Variants in GYG1 observed in about 807,000 individuals in gnomAD.
GYG1 encodes glycogenin 1.
In GYG1, 44 loss-of-function variants were observed where a neutral mutation model predicts 41.9. That is an observed-to-expected ratio of 1.05 (90% CI 0.83 to 1.35). The LOEUF (loss-of-function observed/expected upper bound fraction) is 1.35, where lower values mean the gene tolerates loss of function less well. Ranked by LOEUF, GYG1 falls within the 40% of genes most tolerant of loss-of-function variation. The probability of loss-of-function intolerance (pLI) is 0.00; values close to 1 mark genes in which losing one functional copy is unlikely to be tolerated. For missense variants in GYG1, 429 were observed against 418.9 expected, an observed-to-expected ratio of 1.02 and a Z score of -0.21; for synonymous variants, 141 against 158.1, an observed-to-expected ratio of 0.89 and a Z score of 0.81.
rs146398022 is a variant in GYG1, at chr3:149,025,155, G to C, written c.828+883G>C. ...TGGATCATGACATAATATTTGTACA[G>C]CAGTGGTCCCCAACCTTTTTGGCAC... On this transcript the variant is annotated intron_variant, in intron 6 of 7. Transcript: ENST00000345003. Among the ~76,000 whole-genome samples the C allele has an allele frequency of 2.2e-3, 338 of 152,300 alleles. 1 individual carries two copies. The highest frequency in any genetic ancestry group is 7.9e-3 in the African/African-American group (328 of 41,556).
intron 4 of GYG1, among the ~76,000 whole-genome samples, chr3:148,998,199 T>G (rs1370789840): frequency 6.6e-6 from 1 of 152,208 alleles, no homozygotes; most frequent in African/African-American, 2.4e-5. Context: ...GGCTGAGGAT[T>G]TGGGAATTGT....
chr3:149,017,526 CCTT>C (rs1714115573), intron 5 of GYG1, among the ~76,000 whole-genome samples: 1 of 150,208 alleles, frequency 6.7e-6, no homozygotes, highest in Non-Finnish European at 1.5e-5. Flanking sequence ...CAACATTTCC[CCTT>C]CTTATTCATT....
intron 2 of GYG1, among the ~76,000 whole-genome samples, chr3:148,994,980 A>G (rs922574300): frequency 6.6e-6 from 1 of 152,232 alleles, no homozygotes; most frequent in Non-Finnish European, 1.5e-5. Flanking sequence ...CAAGAGTTCC[A>G]GACCAGCCTG....
At position 148,996,861 on chromosome 3, in the gene GYG1, C is replaced by A. The variant is rs528341533; in HGVS notation, c.438C>A (p.Tyr146Ter). The A allele has an allele frequency of 3.1e-6, 5 of 1,613,656 alleles. No homozygotes were observed. The South Asian group carries it at 3.3e-5, about 11-fold the overall frequency. Residue 146 changes from tyrosine (Y) to a stop codon, truncating the protein, a stop_gained, in exon 4 of 8, where the codon TAC (tyrosine) becomes TAA (stop). Coordinates refer to ENST00000345003, the MANE Select transcript of GYG1 (RefSeq NM_004130.4). LOFTEE classifies it high-confidence loss of function. ...TTTATCAGCCTTCAGTTGAAACATA[C>A]AATCAGCTGTTGCATCTTGCTTCTG... ...VFVYQPSVET[Y>*]NQLLHLASEQ...
At position 148,994,050 on chromosome 3, in the gene GYG1, T is replaced by A. The variant is rs978277895; in HGVS notation, c.8-92T>A. 3 of 1,145,356 alleles carry A rather than the reference T, an allele frequency of 2.6e-6. No individual in the cohort carries two copies. The South Asian group carries it at 3.8e-5, about 15-fold the overall frequency. The allele number at this position is 1,145,356 out of a possible 1,614,324, so 70.9% of individuals were successfully genotyped here. On this transcript the variant is annotated intron_variant, in intron 1 of 7. Coordinates refer to ENST00000345003, the MANE Select transcript of GYG1 (RefSeq NM_004130.4). The stretch of plus-strand genomic sequence containing the variant: ...GAAAGTTGATGTTAGAGGAACTGGT[T>A]TTGCTGAATTACTGTTTGAATGGGT...
intron 5 of GYG1, among the ~76,000 whole-genome samples, chr3:149,013,978 C>T (rs1374599276): frequency 3.9e-5 from 6 of 152,186 alleles, no homozygotes; most frequent in East Asian, 1.9e-4. Context: ...AAACCTGGAG[C>T]GTGTACCTTG....
chr3:149,004,730 T>C (rs1312099114), intron 4 of GYG1, among the ~76,000 whole-genome samples: 1 of 152,242 alleles, frequency 6.6e-6, no homozygotes, highest in African/African-American at 2.4e-5. Flanking sequence ...AAGGTTCTTG[T>C]TGAGTGTTTC....
intron 6 of GYG1, among the ~76,000 whole-genome samples, chr3:149,025,143 A>C (rs962704034): frequency 6.6e-6 from 1 of 152,218 alleles, no homozygotes; most frequent in African/African-American, 2.4e-5. Context: ...ATCATGACAT[A>C]ATATTTGTAC....
In GYG1 at chr3:149,025,306, G is replaced by A. The variant is rs1039097109; in HGVS notation, c.828+1034G>A. Among the ~76,000 whole-genome samples, 6 of 152,104 alleles carry A rather than the reference G, an allele frequency of 3.9e-5. No homozygotes were observed. The East Asian group carries it at 5.8e-4, about 15-fold the overall frequency. ...CATAAGGAGCACACAACCTAGATCC[G>A]TTGCATGCACAGTTTACAATAGAGT... On this transcript the variant is annotated intron_variant, in intron 6 of 7. Transcript: ENST00000345003.
intron 4 of GYG1, among the ~76,000 whole-genome samples, chr3:149,007,625 A>T (rs1274034977): frequency 2.6e-5 from 4 of 152,246 alleles, no homozygotes; most frequent in Admixed American, 1.3e-4. Flanking sequence ...CTAGATTTTT[A>T]AAGTCTCCTT....
intron 1 of GYG1, among the ~76,000 whole-genome samples, chr3:148,991,993 G>T (rs563014207): frequency 1.9e-4 from 29 of 152,262 alleles, no homozygotes; most frequent in African/African-American, 7.0e-4. Context: ...TTCCCCTGGG[G>T]GTTCCAGGCG....
rs1273511214 is a variant in GYG1, at chr3:148,996,774, A to C, written c.351A>C (p.Arg117Ser). 2 of 1,613,904 alleles carry C rather than the reference A, an allele frequency of 1.2e-6. No individual in the cohort carries two copies. Among genetic ancestry groups the C allele is most frequent in the Non-Finnish European group, 1.7e-6 (2 of 1,179,862 alleles). ...CAAATATTGATGATCTTTTTGACAG[A>C]GAAGAATTGTCAGCAGCACCAGACC... ...VLANIDDLFD[R>S]EELSAAPDPG... Residue 117 changes from arginine (R) to serine (S), a missense_variant, in exon 4 of 8, where the codon AGA becomes AGC. Arg to Ser is a moderately radical substitution (Grantham distance 110). Transcript: ENST00000345003.
chr3:149,009,878 C>T (rs1220911434), intron 5 of GYG1, among the ~76,000 whole-genome samples: 1 of 152,182 alleles, frequency 6.6e-6, no homozygotes, highest in Non-Finnish European at 1.5e-5. Context: ...AGAATAAGGG[C>T]TCTGGAGCTG....
At chr3:149,005,434 A>G (rs973879791) in intron 4 of GYG1, among the ~76,000 whole-genome samples, 20 of 152,212 alleles carry the variant, frequency 1.3e-4, no homozygotes, top group African/African-American at 4.3e-4. Flanking sequence ...ATCACAATGT[A>G]TGTAGCTGTA....
At chr3:148,992,740 G>A (rs1252651855) in intron 1 of GYG1, 1 of 152,252 alleles carries the variant, frequency 6.6e-6, no homozygotes, top group Non-Finnish European at 1.5e-5. Flanking sequence ...CCTGTCAAGG[G>A]ACAGGTGCCA....
chr3:149,024,890 A>C (rs1714569291), intron 6 of GYG1, among the ~76,000 whole-genome samples: 1 of 152,210 alleles, frequency 6.6e-6, no homozygotes, highest in South Asian at 2.1e-4. Context: ...AAGAATTGGA[A>C]GAGGATGAGG....
At chr3:149,022,062 T>C (rs182460770) in intron 5 of GYG1, among the ~76,000 whole-genome samples, 241 of 152,326 alleles carry the variant, frequency 1.6e-3, no homozygotes, top group Admixed American at 4.8e-3. Flanking sequence ...ATCTGCTGTA[T>C]AAGCTTGAAG....
chr3:149,000,491 G>C (rs1258617291), intron 4 of GYG1, among the ~76,000 whole-genome samples: 1 of 152,238 alleles, frequency 6.6e-6, no homozygotes, highest in African/African-American at 2.4e-5. Context: ...CTAATCAGCA[G>C]TTTTGCTTCT....
At position 149,026,821 on chromosome 3, in the gene GYG1, C is replaced by T. The variant is rs776949635; in HGVS notation, c.941C>T (p.Pro314Leu). 1.1e-5 allele frequency: 17 copies of T among 1,613,834 alleles called. No homozygotes were observed. Among genetic ancestry groups the T allele is most frequent in the African/African-American group, 2.7e-5 (2 of 74,908 alleles). Residue 314 changes from proline (P) to leucine (L), a missense_variant, in exon 8 of 8, where the codon CCG (proline) becomes CTG (leucine). Physicochemically the swap from Pro to Leu is moderately conservative, Grantham distance 98 (BLOSUM62 -3). Transcript: ENST00000345003. ...SLGEIPAMAQ[P>L]FVSSEERKER... ...GGGGAGATCCCAGCTATGGCACAGC[C>T]GTTTGTATCCTCGGAAGAACGGAAG...
Sources: gnomAD v4.1 joint callset for allele counts (sites outside exome capture counted in the v4.1 genomes callset) on GRCh38, gnomAD v4.1.1 for gene constraint, MANE v1.5 for transcripts, NCBI Gene and HGNC (gene_info 2026-07-23, HGNC 2026-07-21) for gene names.